The following MYO16 variants were observed in gnomAD, a reference collection of about 807,000 sequenced individuals.
The protein encoded by MYO16 is unconventional myosin-XVI.
A neutral mutation model predicts 205.3 loss-of-function variants in MYO16; 94 were observed. That is an observed-to-expected ratio of 0.46 (90% CI 0.39 to 0.54). The LOEUF (loss-of-function observed/expected upper bound fraction) is 0.54, where lower values mean the gene tolerates loss of function less well. MYO16 is among the 20% of genes least tolerant of loss of function. The pLI, the probability that MYO16 is intolerant of heterozygous loss-of-function variation, is 0.00. For synonymous variants in MYO16, 988 were observed against 954.0 expected, an observed-to-expected ratio of 1.04 and a Z score of -0.66; for missense variants, 2,315 against 2,387.5, an observed-to-expected ratio of 0.97 and a Z score of 0.63.
the MYO16 span, among the ~76,000 whole-genome samples, chr13:108,536,844 C>T: frequency 6.6e-6 from 1 of 151,926 alleles, no homozygotes; most frequent in Admixed American, 6.6e-5. Flanking sequence ...AAAATCTAAA[C>T]CTGTCATTTT....
intron 8 of MYO16, among the ~76,000 whole-genome samples, chr13:108,822,691 T>C (rs1339496171): frequency 6.6e-6 from 1 of 152,178 alleles, no homozygotes; most frequent in African/African-American, 2.4e-5. Context: ...CTTGTACAAC[T>C]ACCCATTTAG....
At position 109,127,401 on chromosome 13, in the gene MYO16, C is replaced by T. The variant is rs1266361930; in HGVS notation, c.3902C>T (p.Ser1301Leu). 6.2e-6 allele frequency: 10 copies of T among 1,613,848 alleles called. No individual in the cohort carries two copies. Among genetic ancestry groups the T allele is most frequent in the South Asian group, 3.3e-5 (3 of 91,042 alleles). The stretch of plus-strand genomic sequence containing the variant: ...TCCATCTGGTCTCCTTCGCTGCACT[C>T]GGTGTTCAGCATGGATGACAGCAGC... ...GPSIWSPSLH[S>L]VFSMDDSSSL... Residue 1301 changes from serine (S) to leucine (L), a missense_variant, in exon 31 of 35, where the codon TCG (serine) becomes TTG (leucine). Ser to Leu is a moderately radical substitution (Grantham distance 145). Transcript: ENST00000457511. The surrounding 1 kb of genome is among the most constrained non-coding windows in gnomAD (Gnocchi z 4.2).
intron 1 of MYO16, among the ~76,000 whole-genome samples, chr13:108,620,696 G>A (rs964052461): frequency 7.2e-5 from 11 of 152,232 alleles, no homozygotes; most frequent in Non-Finnish European, 1.5e-4. Context: ...GGTCGATGAT[G>A]GGATGTGCTG....
At chr13:108,925,749 C>T (rs1328192766) in intron 16 of MYO16, among the ~76,000 whole-genome samples, 1 of 152,186 alleles carries the variant, frequency 6.6e-6, no homozygotes, top group African/African-American at 2.4e-5. Context: ...CAGTACAGGA[C>T]TTCGCTCCCA....
intron 6 of MYO16, among the ~76,000 whole-genome samples, chr13:108,805,486 G>A (rs991500762): frequency 2.0e-5 from 3 of 151,980 alleles, no homozygotes; most frequent in Non-Finnish European, 4.4e-5. Flanking sequence ...AAACACAATG[G>A]AACAGAGCTA....
At chr13:108,777,483 T>C (rs750419884) in intron 4 of MYO16, among the ~76,000 whole-genome samples, 4 of 152,108 alleles carry the variant, frequency 2.6e-5, no homozygotes, top group Non-Finnish European at 5.9e-5. Flanking sequence ...TAGACCCTTT[T>C]AGAGAGGATG....
intron 20 of MYO16, among the ~76,000 whole-genome samples, chr13:108,973,576 C>T (rs768255433): frequency 2.1e-4 from 32 of 152,094 alleles, no homozygotes; most frequent in African/African-American, 5.8e-4. Context: ...TCCCCAAGTC[C>T]GACTGAGGTG....
At chr13:108,820,439 T>C in intron 8 of MYO16, 27 bp downstream of exon 8, 2 of 1,557,414 alleles carry the variant, frequency 1.3e-6, no homozygotes, top group Non-Finnish European at 1.8e-6. Flanking sequence ...CTTGGACCAT[T>C]GAGCAGGTAC....
At chr13:108,595,097 G>C (rs1482223442), upstream of MYO16, among the ~76,000 whole-genome samples, 1 of 152,118 alleles carries the variant, frequency 6.6e-6, no homozygotes, top group Admixed American at 6.5e-5. Context: ...TTGACTCTCT[G>C]AACTCTAAAG....
In MYO16 at chr13:109,007,539, CGTGTGTGTGTGTGT is replaced by C. The variant is rs71125360; in HGVS notation, c.2443-1323_2443-1310del. Reference sequence around the variant, plus strand: ...TTTGAGATAATAAGTAGAAATCAGCCGTGTGTGTGTGTGTGTGTGTGTGTGTGTGTGTGTGTGTG... The same window carrying C: ...TTTGAGATAATAAGTAGAAATCAGCCGTGTGTGTGTGTGTGTGTGTGTGTG... On this transcript the variant is annotated intron_variant, in intron 21 of 34. Coordinates refer to ENST00000457511, the MANE Select transcript of MYO16 (RefSeq NM_001198950.3). 6.9e-3 allele frequency among the ~76,000 whole-genome samples: 923 copies of C among 133,682 alleles called. 12 individuals carry two copies. Among genetic ancestry groups the C allele is most frequent in the South Asian group, 0.024 (92 of 3,808 alleles). 87.7% of individuals were successfully genotyped at this position (133,682 alleles called of 152,430 possible).
intron 27 of MYO16, among the ~76,000 whole-genome samples, chr13:109,095,267 G>T (rs1339376491): frequency 6.6e-6 from 1 of 152,236 alleles, no homozygotes; most frequent in African/African-American, 2.4e-5. Context: ...TGTGTGTCTT[G>T]GATGACAGAC....
intron 4 of MYO16, among the ~76,000 whole-genome samples, chr13:108,747,958 A>T (rs1356746002): frequency 6.6e-6 from 1 of 152,116 alleles, no homozygotes; most frequent in African/African-American, 2.4e-5. Flanking sequence ...AAACAGGCAA[A>T]AAGTGAGTAA....
intron 1 of MYO16, among the ~76,000 whole-genome samples, chr13:108,664,755 T>G (rs1881650055): frequency 6.6e-6 from 1 of 152,238 alleles, no homozygotes; most frequent in Non-Finnish European, 1.5e-5. Context: ...ATTGATTTTC[T>G]GCCAATAGTA....
chr13:109,146,047 G>A (rs1400303754), intron 32 of MYO16, among the ~76,000 whole-genome samples: 3 of 152,174 alleles, frequency 2.0e-5, no homozygotes, highest in Non-Finnish European at 2.9e-5. Flanking sequence ...AAGCTGTAAT[G>A]TACAGTATTT....
chr13:108,504,495 C>T, the MYO16 span, among the ~76,000 whole-genome samples: 1 of 151,880 alleles, frequency 6.6e-6, no homozygotes. Flanking sequence ...CTCTGTATTT[C>T]CCTTATAACT....
chr13:108,690,594 C>T (rs1342377322), intron 2 of MYO16, among the ~76,000 whole-genome samples: 1 of 151,854 alleles, frequency 6.6e-6, no homozygotes, highest in Admixed American at 6.6e-5. Context: ...TGAATAAATG[C>T]CATTTATTTA....
chr13:108,850,542 C>G (rs997926125), intron 10 of MYO16, among the ~76,000 whole-genome samples: 1 of 152,154 alleles, frequency 6.6e-6, no homozygotes, highest in Non-Finnish European at 1.5e-5. Flanking sequence ...ATCTTTTGTA[C>G]TTATCTGGTA....
intron 1 of MYO16, among the ~76,000 whole-genome samples, chr13:108,634,202 C>A (rs1338272948): frequency 2.6e-5 from 4 of 152,150 alleles, no homozygotes; most frequent in Non-Finnish European, 5.9e-5. Context: ...TGCCTAGAGA[C>A]CCCTTCTTCT....
intron 22 of MYO16, among the ~76,000 whole-genome samples, chr13:109,017,105 G>A (rs1305760805): frequency 6.6e-6 from 1 of 152,132 alleles, no homozygotes; most frequent in Non-Finnish European, 1.5e-5. Context: ...GCTGGTACTG[G>A]TTCTTCCTTT....
Sources: gnomAD v4.1 joint callset for allele counts (sites outside exome capture counted in the v4.1 genomes callset) on GRCh38, gnomAD v4.1.1 for gene constraint, Gnocchi (gnomAD v3.1) non-coding constraint, MANE v1.5 for transcripts, NCBI Gene and HGNC (gene_info 2026-07-23, HGNC 2026-07-21) for gene names.